The following CSMD1 variants were observed in gnomAD, a reference collection of about 807,000 sequenced individuals.
CSMD1 encodes CUB and sushi domain-containing protein 1.
A neutral mutation model predicts 417.5 loss-of-function variants in CSMD1; 213 were observed. The ratio of observed to expected loss-of-function variants is 0.51; its 90% CI spans 0.46 to 0.57. CSMD1 has a LOEUF of 0.57. Among genes scored for constraint, CSMD1 ranks in the 20% least tolerant of loss-of-function variants. CSMD1 has a pLI of 0.00. For missense variants in CSMD1, 6,923 were observed against 4,529.7 expected, an observed-to-expected ratio of 1.53 and a Z score of -15.17; for synonymous variants, 2,862 against 1,736.8, an observed-to-expected ratio of 1.65 and a Z score of -16.11.
chr8:4,180,313 A>C (rs538081564), intron 3 of CSMD1, among the ~76,000 whole-genome samples: 3 of 151,892 alleles, frequency 2.0e-5, no homozygotes, highest in East Asian at 1.9e-4. Flanking sequence ...CATTGTCAGT[A>C]AACTATTGCA....
intron 3 of CSMD1, among the ~76,000 whole-genome samples, chr8:4,051,393 C>T (rs115121496): frequency 2.0e-5 from 3 of 151,878 alleles, no homozygotes; most frequent in Non-Finnish European, 4.4e-5. Flanking sequence ...GCTGATCCAA[C>T]CCAGTAGCAT....
At chr8:3,822,756 A>C (rs984873565) in intron 5 of CSMD1, among the ~76,000 whole-genome samples, 1 of 152,114 alleles carries the variant, frequency 6.6e-6, no homozygotes, top group African/African-American at 2.4e-5. Flanking sequence ...GTGGAAATAC[A>C]GGTTTGTTGA....
intron 10 of CSMD1, among the ~76,000 whole-genome samples, chr8:3,520,039 T>TGTATATACACAC (rs1554452250): frequency 6.8e-6 from 1 of 147,184 alleles, no homozygotes; most frequent in East Asian, 2.0e-4. Context: ...TATATATATA[T>TGTATATACACAC]ACACGTATAG....
chr8:4,302,477 G>C (rs796912906), intron 3 of CSMD1, among the ~76,000 whole-genome samples: 52 of 152,270 alleles, frequency 3.4e-4, no homozygotes, highest in African/African-American at 6.7e-4. Context: ...ACAGCAGTCT[G>C]TGAAAATGTA....
At chr8:3,887,663 A>T (rs80121338) in intron 5 of CSMD1, among the ~76,000 whole-genome samples, 1,550 of 152,336 alleles carry the variant, frequency 0.01, 11 homozygotes, top group Middle Eastern at 0.027. Context: ...TAGAGTTAAG[A>T]GACAATACCT....
chr8:4,299,204 T>C (rs571536609), intron 3 of CSMD1, among the ~76,000 whole-genome samples: 3 of 152,170 alleles, frequency 2.0e-5, no homozygotes, highest in Non-Finnish European at 4.4e-5. Context: ...AATATACTTT[T>C]GCCAGGTAAT....
At chr8:3,737,610 T>C (rs912664033) in intron 6 of CSMD1, among the ~76,000 whole-genome samples, 16 of 152,282 alleles carry the variant, frequency 1.1e-4, no homozygotes, top group African/African-American at 3.6e-4. Context: ...GAGATCACCC[T>C]CTCAGTTACT....
At chr8:3,193,028 C>T (rs937803870) in intron 33 of CSMD1, among the ~76,000 whole-genome samples, 4 of 152,090 alleles carry the variant, frequency 2.6e-5, no homozygotes, top group African/African-American at 9.7e-5. Flanking sequence ...TCTACTTACA[C>T]TGGATTGCTT....
intron 3 of CSMD1, among the ~76,000 whole-genome samples, chr8:4,040,116 G>T (rs117655543): frequency 0.015 from 2,270 of 152,246 alleles, 20 homozygotes; most frequent in Non-Finnish European, 0.023. Flanking sequence ...CGCAATTTCA[G>T]AAACAATATT....
At chr8:3,137,865 T>G (rs915479820) in intron 41 of CSMD1, among the ~76,000 whole-genome samples, 3 of 152,208 alleles carry the variant, frequency 2.0e-5, no homozygotes, top group Non-Finnish European at 4.4e-5. Flanking sequence ...CTGTATACAA[T>G]AAATTCCTGA....
intron 50 of CSMD1, among the ~76,000 whole-genome samples, chr8:3,048,469 C>T (rs1811602681): frequency 6.6e-6 from 1 of 151,940 alleles, no homozygotes; most frequent in Admixed American, 6.6e-5. Flanking sequence ...GAAGAGCAAA[C>T]ACAACCCAAG....
chr8:3,451,419 G>C (rs1815705040), intron 12 of CSMD1, among the ~76,000 whole-genome samples: 1 of 152,146 alleles, frequency 6.6e-6, no homozygotes, highest in African/African-American at 2.4e-5. Context: ...GTATTGCCTA[G>C]GTGTTCTTCT....
chr8:3,518,465 T>A (rs1055897874), intron 10 of CSMD1, among the ~76,000 whole-genome samples: 1 of 152,168 alleles, frequency 6.6e-6, no homozygotes, highest in Non-Finnish European at 1.5e-5. Context: ...AGAAACAATA[T>A]TGCTTTTGTA....
At chr8:3,210,641 A>C (rs1410343694) in intron 30 of CSMD1, among the ~76,000 whole-genome samples, 4 of 148,610 alleles carry the variant, frequency 2.7e-5, no homozygotes, top group Non-Finnish European at 3.0e-5. Context: ...TATAAAGTGT[A>C]TATACACTTT....
chr8:4,784,926 T>C (rs1307905114), intron 1 of CSMD1, among the ~76,000 whole-genome samples: 3 of 152,238 alleles, frequency 2.0e-5, no homozygotes, highest in Admixed American at 6.5e-5. Flanking sequence ...AGTTTATGTT[T>C]GTAAAGATGA....
chr8:4,624,031 T>A (rs184014244), intron 2 of CSMD1, among the ~76,000 whole-genome samples: 1 of 152,222 alleles, frequency 6.6e-6, no homozygotes, highest in Non-Finnish European at 1.5e-5. Flanking sequence ...AAAGGACTCA[T>A]TCATCAAGCT....
chr8:3,781,709 G>A (rs73658262), intron 5 of CSMD1, among the ~76,000 whole-genome samples: 2,605 of 152,260 alleles, frequency 0.017, 61 homozygotes, highest in African/African-American at 0.06. Context: ...AGGTTCTAGG[G>A]TGTCCCCATG....
At chr8:3,625,284 T>G (rs763062780) in intron 7 of CSMD1, among the ~76,000 whole-genome samples, 1 of 152,178 alleles carries the variant, frequency 6.6e-6, no homozygotes, top group Non-Finnish European at 1.5e-5. Flanking sequence ...GCTCAGCACA[T>G]ATTGCTTTTA....
At chr8:4,449,233 G>A (rs141734992) in intron 2 of CSMD1, among the ~76,000 whole-genome samples, 1 of 152,156 alleles carries the variant, frequency 6.6e-6, no homozygotes, top group African/African-American at 2.4e-5. Flanking sequence ...TAATTACACT[G>A]TCTATGCTTA....
Sources: allele counts gnomAD v4.1 joint callset (sites outside exome capture counted in the v4.1 genomes callset), GRCh38; gene constraint gnomAD v4.1.1; transcripts MANE v1.5; gene names NCBI Gene and HGNC (gene_info 2026-07-23, HGNC 2026-07-21).